IRAG2: variants seen among roughly 807,000 people sequenced by gnomAD.
IRAG2 encodes the protein lymphoid restricted membrane protein.
A neutral mutation model predicts 69.9 loss-of-function variants in IRAG2; 45 were observed. The ratio of observed to expected loss-of-function variants is 0.64; its 90% CI spans 0.51 to 0.83. IRAG2 has a LOEUF of 0.83. Ranked by LOEUF, IRAG2 falls within the 40% of genes least tolerant of loss-of-function variation. The pLI is 0.00. For missense variants in IRAG2, 520 were observed against 587.0 expected, an observed-to-expected ratio of 0.89 and a Z score of 1.18; for synonymous variants, 193 against 202.4, an observed-to-expected ratio of 0.95 and a Z score of 0.40.
chr12:25,074,768 A>G lies in IRAG2; in HGVS notation c.25-4476A>G, dbSNP rs148146512. Among the ~76,000 whole-genome samples, 522 of 152,344 alleles carry G rather than the reference A, an allele frequency of 3.4e-3. 5 individuals are homozygous for G. Among genetic ancestry groups the G allele is most frequent in the African/African-American group, 0.012 (502 of 41,580 alleles). ...TTCTTTTGGCTGTTAAAAAAATTAC[A>G]TATACCAAATATTAAGTGTCTTGTC... On this transcript the variant is annotated intron_variant, in intron 6 of 21. Coordinates refer to ENST00000556887, the MANE Select transcript of IRAG2 (RefSeq NM_001366544.2).
Position 25,077,209 on chromosome 12 carries a change from G to GATATATATATGAAATATATATGAT in IRAG2, c.25-2027_25-2026insATGAAATATATATGATATATATAT, listed in dbSNP as rs376784693. Among the ~76,000 whole-genome samples, 75 of 33,722 alleles carry GATATATATATGAAATATATATGAT rather than the reference G, an allele frequency of 2.2e-3. 5 individuals are homozygous for GATATATATATGAAATATATATGAT. The highest frequency in any genetic ancestry group is 0.016 in the Admixed American group (52 of 3,190). 22.1% of individuals were successfully genotyped at this position (33,722 alleles called of 152,430 possible). The stretch of plus-strand genomic sequence containing the variant: ...TGATATATATATGAAATATATATAT[G>GATATATATATGAAATATATATGAT]ATATATATGAAATATATATGATATA... On this transcript the variant is annotated intron_variant, in intron 6 of 21. Transcript: ENST00000556887.
chr12:25,091,791 T>C (rs1948080968), intron 14 of IRAG2, among the ~76,000 whole-genome samples: 3 of 152,234 alleles, frequency 2.0e-5, no homozygotes, highest in Admixed American at 2.0e-4. Flanking sequence ...TTTGATTTTA[T>C]GATAGCCACC....
chr12:25,032,337 T>G, exon 12 of IRAG2: 1 of 399,052 alleles, frequency 2.5e-6, no homozygotes. Context: ...AACTGGCTCA[T>G]GAGTTACAGC....
At chr12:25,073,933 C>A (rs1040926531) in intron 6 of IRAG2, among the ~76,000 whole-genome samples, 8 of 152,196 alleles carry the variant, frequency 5.3e-5, no homozygotes, top group Non-Finnish European at 7.3e-5. Context: ...TACCAGGATT[C>A]ATTAGATTCT....
intron 2 of IRAG2, among the ~76,000 whole-genome samples, chr12:25,005,613 A>G (rs1052495114): frequency 1.3e-5 from 2 of 152,132 alleles, no homozygotes; most frequent in African/African-American, 4.8e-5. Context: ...CAGCTGACTT[A>G]CCATCTTTAT....
intron 1 of IRAG2, among the ~76,000 whole-genome samples, chr12:25,057,872 TTG>T (rs777011094): frequency 9.5e-4 from 144 of 152,320 alleles, no homozygotes; most frequent in Non-Finnish European, 1.9e-3. Context: ...ATGTACTTTT[TTG>T]TGTGTTTGTC....
intron 9 of IRAG2, among the ~76,000 whole-genome samples, chr12:25,081,234 A>G (rs1049792003): frequency 4.6e-5 from 7 of 152,192 alleles, no homozygotes; most frequent in South Asian, 2.1e-4. Context: ...AGGCTGAGGC[A>G]GGCAGATCAC....
chr12:25,050,902 A>G (rs1208119626), upstream of IRAG2, among the ~76,000 whole-genome samples: 1 of 130,306 alleles, frequency 7.7e-6, no homozygotes, highest in Non-Finnish European at 1.8e-5. Flanking sequence ...GCACGATCCC[A>G]CTTCTCTGAG....
At chr12:25,077,361 G>GATATATATATGAT (rs1555139240) in intron 6 of IRAG2, among the ~76,000 whole-genome samples, 1 of 12,832 alleles carries the variant, frequency 7.8e-5, no homozygotes, top group Non-Finnish European at 1.6e-4. Flanking sequence ...TGATATATAT[G>GATATATATATGAT]ATATATATGA....
At chr12:25,100,225 AG>A (rs980477343) in intron 15 of IRAG2, among the ~76,000 whole-genome samples, 19 of 151,686 alleles carry the variant, frequency 1.3e-4, no homozygotes, top group African/African-American at 4.4e-4. Flanking sequence ...GGAAGGAGGG[AG>A]GGAGGAAGCA....
intron 14 of IRAG2, among the ~76,000 whole-genome samples, chr12:25,092,428 A>G (rs2140182526): frequency 6.8e-6 from 1 of 147,216 alleles, no homozygotes; most frequent in Non-Finnish European, 1.5e-5. Context: ...AACTGGGCAT[A>G]GTGGGACACA....
chr12:25,091,689 T>C (rs1282685139), intron 14 of IRAG2, among the ~76,000 whole-genome samples: 2 of 152,164 alleles, frequency 1.3e-5, no homozygotes, highest in Non-Finnish European at 2.9e-5. Context: ...ACTGTACTGT[T>C]TTTCATAGCA....
chr12:25,004,940 G>A, intron 1 of IRAG2: 9 of 1,205,224 alleles, frequency 7.5e-6, no homozygotes, highest in Non-Finnish European at 9.3e-6. Flanking sequence ...TTTAATGTTT[G>A]TCCTTCCAAT....
chr12:25,076,218 T>G lies in IRAG2; in HGVS notation c.25-3026T>G, dbSNP rs551038368. Reference sequence around the variant, plus strand: ...GATTACTGACTTTTACAAAGATGAGTGCTTTGAGAATAACATCCAGTTGCT... The same window carrying G: ...GATTACTGACTTTTACAAAGATGAGGGCTTTGAGAATAACATCCAGTTGCT... On this transcript the variant is annotated intron_variant, in intron 6 of 21. Transcript: ENST00000556887. 3.3e-5 allele frequency among the ~76,000 whole-genome samples: 5 copies of G among 152,312 alleles called. No homozygotes were observed. In the South Asian group the frequency reaches 1.0e-3, roughly 32 times the overall value.
intron 13 of IRAG2, chr12:25,035,528 A>G (rs1591933146): frequency 5.0e-6 from 2 of 396,704 alleles, no homozygotes; most frequent in Admixed American, 4.4e-5. Flanking sequence ...AGAATTTCAC[A>G]AGACTATTGA....
chr12:25,061,241 C>T (rs983092169), intron 1 of IRAG2, among the ~76,000 whole-genome samples: 6 of 152,166 alleles, frequency 3.9e-5, no homozygotes, highest in Non-Finnish European at 8.8e-5. Flanking sequence ...TAAATATGCT[C>T]ATACTGGGCA....
In IRAG2 at chr12:25,015,088, G is replaced by GAAAAAAAAAA; in HGVS notation, c.897-79_897-70dup. ...AAAGGAAAGTACAGAGCATAAATCTGAAAAAAAAAAAAAAAAAAAAAAAAG... is the reference window on the plus strand; with the variant it reads ...AAAGGAAAGTACAGAGCATAAATCTGAAAAAAAAAAAAAAAAAAAAAAAAAAAAAAAAAAG... On this transcript the variant is annotated intron_variant, in intron 3 of 38. Transcript: ENST00000636465. 9.0e-4 allele frequency: 46 copies of GAAAAAAAAAA among 50,890 alleles called. 1 individual carries two copies. Among genetic ancestry groups the GAAAAAAAAAA allele is most frequent in the South Asian group, 1.6e-3 (1 of 622 alleles). 3.2% of individuals were successfully genotyped at this position (50,890 alleles called of 1,614,324 possible).
At chr12:25,029,539 A>AATATAC (rs1332747513) in intron 9 of IRAG2, among the ~76,000 whole-genome samples, 1 of 152,230 alleles carries the variant, frequency 6.6e-6, no homozygotes, top group Non-Finnish European at 1.5e-5. Context: ...CAATTCAGTC[A>AATATAC]ATATACATAT....
intron 16 of IRAG2, among the ~76,000 whole-genome samples, chr12:25,041,079 A>G (rs561237069): frequency 5.3e-5 from 8 of 152,144 alleles, no homozygotes; most frequent in African/African-American, 1.9e-4. Context: ...GGAGTGAGCT[A>G]TGTGATGATC....
Sources: gnomAD v4.1 joint callset for allele counts (sites outside exome capture counted in the v4.1 genomes callset) on GRCh38, gnomAD v4.1.1 for gene constraint, MANE v1.5 for transcripts, NCBI Gene and HGNC (gene_info 2026-07-23, HGNC 2026-07-21) for gene names.